WWOX: variants seen among roughly 807,000 people sequenced by gnomAD.
The protein encoded by WWOX is WW domain-containing oxidoreductase.
WWOX carries 69 observed loss-of-function variants against 46.2 expected under a neutral mutation model. The observed-to-expected ratio is 1.49, with a 90% CI of 1.23 to 1.82. WWOX has a LOEUF of 1.82. Ranked by LOEUF, WWOX falls within the 40% of genes most tolerant of loss-of-function variation. The probability of loss-of-function intolerance (pLI) is 0.00; values close to 1 mark genes in which losing one functional copy is unlikely to be tolerated. For missense variants in WWOX, 919 were observed against 542.6 expected (o/e 1.69, Z -6.89); for synonymous variants, 359 against 202.6 (o/e 1.77, Z -6.56).
intron 8 of WWOX, among the ~76,000 whole-genome samples, chr16:78,726,549 C>T (rs1362256279): frequency 6.7e-6 from 1 of 149,980 alleles, no homozygotes; most frequent in African/African-American, 2.5e-5. Flanking sequence ...TAATTCAATA[C>T]ACAGTAGTGC....
At chr16:78,123,809 A>G (rs990450365) in intron 4 of WWOX, 1 of 151,822 alleles carries the variant, frequency 6.6e-6, no homozygotes, top group African/African-American at 2.4e-5. Flanking sequence ...TACAAGCCTT[A>G]CCCAGTGTTA....
intron 8 of WWOX, chr16:79,101,156 C>G (rs994856647): frequency 6.6e-6 from 1 of 152,182 alleles, no homozygotes; most frequent in Non-Finnish European, 1.5e-5. Context: ...GGAGAAAAGT[C>G]TCCAGAAATT....
chr16:78,859,027 A>AT lies in WWOX; in HGVS notation c.1057-352581_1057-352580insT, dbSNP rs58798658. On this transcript the variant is annotated intron_variant, in intron 8 of 8. Coordinates refer to ENST00000566780, the MANE Select transcript of WWOX (RefSeq NM_016373.4). Reference sequence around the variant, plus strand: ...AAAAAAAAAAAAAAAAAAAAAAAAAAATATATATATATATATATATATGTA... The same window carrying AT: ...AAAAAAAAAAAAAAAAAAAAAAAAAATATATATATATATATATATATATGTA... 5.1e-3 allele frequency among the ~76,000 whole-genome samples: 121 copies of AT among 23,510 alleles called. 2 individuals carry two copies. Among genetic ancestry groups the AT allele is most frequent in the East Asian group, 6.5e-3 (4 of 616 alleles). The allele number at this position is 23,510 out of a possible 152,430, so 15.4% of individuals were successfully genotyped here.
At chr16:78,787,164 C>G (rs534323129) in intron 8 of WWOX, among the ~76,000 whole-genome samples, 5 of 152,040 alleles carry the variant, frequency 3.3e-5, no homozygotes, top group Admixed American at 6.6e-5. Flanking sequence ...AAAAATAAAA[C>G]AAACAAAACA....
intron 8 of WWOX, among the ~76,000 whole-genome samples, chr16:78,917,537 T>G (rs886071921): frequency 6.6e-6 from 1 of 152,134 alleles, no homozygotes; most frequent in Non-Finnish European, 1.5e-5. Flanking sequence ...AAATGGTCTG[T>G]TGGAAATTAT....
intron 8 of WWOX, among the ~76,000 whole-genome samples, chr16:78,579,049 TTTTG>T (rs752989657): frequency 3.9e-5 from 6 of 152,142 alleles, no homozygotes; most frequent in Admixed American, 1.3e-4. Context: ...TTTCGTAGGT[TTTTG>T]TTTGTTTGTT....
intron 8 of WWOX, among the ~76,000 whole-genome samples, chr16:78,914,210 C>CT (rs1486900159): frequency 1.3e-5 from 2 of 152,044 alleles, no homozygotes; most frequent in Non-Finnish European, 2.9e-5. Context: ...TTATCACTAT[C>CT]TGATATTTTC....
At chr16:78,859,716 A>T (rs1285033193) in intron 8 of WWOX, among the ~76,000 whole-genome samples, 1 of 152,214 alleles carries the variant, frequency 6.6e-6, no homozygotes, top group African/African-American at 2.4e-5. Flanking sequence ...TCTGGGTTAG[A>T]GGATATAACA....
chr16:79,066,462 A>T (rs2048443660), intron 8 of WWOX, among the ~76,000 whole-genome samples: 1 of 152,046 alleles, frequency 6.6e-6, no homozygotes, highest in Non-Finnish European at 1.5e-5. Flanking sequence ...TCAACATAGG[A>T]TCTGTGGAAG....
At chr16:78,309,627 C>T (rs555899347) in intron 5 of WWOX, among the ~76,000 whole-genome samples, 5 of 152,318 alleles carry the variant, frequency 3.3e-5, no homozygotes, top group Admixed American at 1.3e-4. Context: ...CCCAGGACCC[C>T]TTGAGACTGT....
At chr16:79,002,896 C>T (rs1369582348) in intron 8 of WWOX, among the ~76,000 whole-genome samples, 1 of 152,320 alleles carries the variant, frequency 6.6e-6, no homozygotes, top group East Asian at 1.9e-4. Flanking sequence ...TCAAGGGAGA[C>T]TGCCTGTACT....
chr16:79,099,604 G>C (rs181221553), intron 8 of WWOX, among the ~76,000 whole-genome samples: 1 of 151,958 alleles, frequency 6.6e-6, no homozygotes, highest in Non-Finnish European at 1.5e-5. Context: ...GAGAGAGAGA[G>C]AGAGAGAGAG....
At chr16:78,573,286 AAAAC>A (rs1297659829) in intron 8 of WWOX, among the ~76,000 whole-genome samples, 9 of 152,226 alleles carry the variant, frequency 5.9e-5, no homozygotes, top group South Asian at 4.1e-4. Flanking sequence ...ACTCCATCTC[AAAAC>A]AAACAAACAA....
intron 8 of WWOX, among the ~76,000 whole-genome samples, chr16:78,699,054 G>C (rs1487548388): frequency 2.0e-5 from 3 of 152,134 alleles, no homozygotes; most frequent in Non-Finnish European, 2.9e-5. Flanking sequence ...TTGCAGTTCA[G>C]ATGGTGTGTG....
At chr16:78,552,792 C>T (rs754278083) in intron 8 of WWOX, 1 of 152,140 alleles carries the variant, frequency 6.6e-6, no homozygotes, top group East Asian at 1.9e-4. Context: ...TCCTTTCTCC[C>T]TCTGTTCTCT....
At chr16:78,974,399 G>C (rs961919216) in intron 8 of WWOX, among the ~76,000 whole-genome samples, 6 of 152,182 alleles carry the variant, frequency 3.9e-5, no homozygotes, top group Non-Finnish European at 7.3e-5. Context: ...TACCTGCCTT[G>C]CTATACACTA....
At chr16:78,756,319 A>AC (rs72339440) in intron 8 of WWOX, among the ~76,000 whole-genome samples, 3,635 of 151,352 alleles carry the variant, frequency 0.024, 99 homozygotes, top group African/African-American at 0.08. Context: ...TGTATTTGAA[A>AC]CAAACAAAAA....
intron 8 of WWOX, among the ~76,000 whole-genome samples, chr16:79,078,482 C>G (rs1273709636): frequency 6.6e-6 from 1 of 152,144 alleles, no homozygotes; most frequent in Non-Finnish European, 1.5e-5. Context: ...GAATGCCACG[C>G]AACATTTCTC....
At chr16:79,189,177 T>C (rs1018937176) in intron 8 of WWOX, among the ~76,000 whole-genome samples, 2 of 152,228 alleles carry the variant, frequency 1.3e-5, no homozygotes, top group African/African-American at 4.8e-5. Flanking sequence ...GTCTGTCGTC[T>C]TCCATAATGG....
Sources: allele counts gnomAD v4.1 joint callset (sites outside exome capture counted in the v4.1 genomes callset), GRCh38; gene constraint gnomAD v4.1.1; transcripts MANE v1.5; gene names NCBI Gene and HGNC (gene_info 2026-07-23, HGNC 2026-07-21).